The following SSR4 variants were observed in gnomAD, a reference collection of about 807,000 sequenced individuals.
The protein encoded by SSR4 is signal sequence receptor subunit 4.
For synonymous variants in SSR4, 84 were observed against 65.6 expected (o/e 1.28, Z -1.35); for missense variants, 125 against 148.8 (o/e 0.84, Z 0.83).
intron 1 of SSR4, chrX:153,794,977 G>A: frequency 2.3e-6 from 1 of 437,048 alleles, no homozygotes; most frequent in Non-Finnish European, 3.9e-6. Flanking sequence ...AGGAGTCCCC[G>A]AGCCTCCATG....
rs781960516 is a variant in SSR4, at chrX:153,797,829, A to G, written c.351+15A>G. 3.4e-6 allele frequency: 4 copies of G among 1,163,192 alleles called. No individual in the cohort carries two copies. Among genetic ancestry groups the G allele is most frequent in the Admixed American group, 4.5e-5 (2 of 44,130 alleles). On this transcript the variant is annotated intron_variant, in intron 4 of 5. Transcript: ENST00000370086. ...TCCTCAGGAAGGTGAGGACTCCTGT[A>G]GCCCACTGTGCTCCCCTGTCCCTGG...
At position 153,798,088 on chromosome X, in the gene SSR4, G is replaced by A. The variant is rs781917495; in HGVS notation, c.369G>A (p.Glu123=). The A allele has an allele frequency of 2.0e-5, 24 of 1,197,241 alleles. No individual in the cohort carries two copies. In the South Asian group the frequency reaches 4.1e-4, roughly 20 times the overall value. ...CCTTGCAGGCTCAGAGGAATAACGAGGACATTTCCATCATCCCGCCTCTGT... is the reference window on the plus strand; with the variant it reads ...CCTTGCAGGCTCAGAGGAATAACGAAGACATTTCCATCATCCCGCCTCTGT... ...SLLRKAQRNN[E]DISIIPPLFT... is the part of the protein sequence containing the mutation. The change falls in exon 5 of 6, where the codon GAG becomes GAA. Residue 123 remains glutamate (E), a synonymous_variant. Transcript: ENST00000370086.
chrX:153,795,033 C>T (rs1039223806), intron 1 of SSR4: 2 of 379,677 alleles, frequency 5.3e-6, no homozygotes, highest in Non-Finnish European at 9.2e-6. Flanking sequence ...ACACATGTCC[C>T]GGCTCCCGCT....
At chrX:153,796,635 G>A in intron 2 of SSR4, 83 bp downstream of exon 2, 1 of 733,285 alleles carries the variant, frequency 1.4e-6, no homozygotes, top group Admixed American at 2.3e-5. Context: ...GTCGATAGAG[G>A]GAGAATCAAG....
At chrX:153,794,506 C>A (rs1454342212), upstream of SSR4, 7 of 1,159,065 alleles carry the variant, frequency 6.0e-6, no homozygotes, top group Non-Finnish European at 8.1e-6. Flanking sequence ...AGGGGGGGAC[C>A]GCGACCAGCT....
chrX:153,795,752 G>A (rs1391991431), intron 1 of SSR4: 1 of 755,017 alleles, frequency 1.3e-6, no homozygotes, highest in South Asian at 6.7e-5. Context: ...TTTGGACAGC[G>A]GGTGGCTGAG....
intron 1 of SSR4, chrX:153,796,027 C>A: frequency 1.0e-5 from 2 of 195,759 alleles, no homozygotes; most frequent in Non-Finnish European, 1.6e-5. Context: ...CTGCAGCCCC[C>A]ACCCCCGATG....
chrX:153,798,004 C>CT, intron 4 of SSR4, 67 bp from the exon 5 acceptor site: 1 of 704,939 alleles, frequency 1.4e-6, no homozygotes. Context: ...TGTCTTTCCC[C>CT]TCCCCTCCCC....
chrX:153,797,629 G>A lies in SSR4; in HGVS notation c.262-96G>A, dbSNP rs782690360. 3 of 1,116,428 alleles carry A rather than the reference G, an allele frequency of 2.7e-6. No individual in the cohort carries two copies. In the African/African-American group the frequency reaches 5.4e-5, roughly 20 times the overall value. 92.0% of individuals were successfully genotyped at this position (1,116,428 alleles called of 1,213,427 possible). On this transcript the variant is annotated intron_variant, in intron 3 of 5. Coordinates refer to ENST00000370086, the MANE Select transcript of SSR4 (RefSeq NM_006280.3). ...CGGTCAACCAGGGCCAGGGGCCGTG[G>A]GCTCTGGCTGCCGGAGTGCTGCAGT...
intron 4 of SSR4, 94 bp downstream of exon 4, chrX:153,797,908 G>T (rs2092151704): frequency 1.1e-6 from 1 of 870,971 alleles, no homozygotes. Flanking sequence ...GAGCTGGGTG[G>T]CCTTTCTGTG....
At chrX:153,794,541 A>C (rs112969179), upstream of SSR4, 588 of 1,168,137 alleles carry the variant, frequency 5.0e-4, 6 homozygotes, top group African/African-American at 9.9e-3. Context: ...GGGAGGGGCC[A>C]CGTCAGTGCT....
chrX:153,798,455 C>G lies in SSR4; in HGVS notation c.*22C>G. The G allele has an allele frequency of 8.7e-7, 1 of 1,147,199 alleles. No homozygotes were observed. 94.5% of individuals were successfully genotyped at this position (1,147,199 alleles called of 1,213,427 possible). A position where few individuals can be genotyped will look rare whatever the true frequency, so the allele number is the denominator to read the frequency against. On this transcript the variant is annotated 3_prime_UTR_variant, in exon 6 of 6. Transcript: ENST00000370086. ...CTGAGGGCGGCACCCCAGCCCTGCC[C>G]TTGCTTCCTTCAATAAACATCACAG... is the stretch of plus-strand genomic sequence containing the variant.
rs1011367123 is a variant in SSR4, at chrX:153,796,944, G to A, written c.186+392G>A. On this transcript the variant is annotated intron_variant, in intron 2 of 5. Coordinates refer to ENST00000370086, the MANE Select transcript of SSR4 (RefSeq NM_006280.3). ...TGCCTCAGCTGGAGTGCATTGGCAC[G>A]ATCTTGGCTCACTGCAGCCTCCACC... 2.8e-4 allele frequency: 51 copies of A among 182,601 alleles called. 1 individual carries two copies. The highest frequency in any genetic ancestry group is 1.2e-3 in the African/African-American group (39 of 33,661). The allele number at this position is 182,601 out of a possible 1,213,427, so 15.0% of individuals were successfully genotyped here. A position where few individuals can be genotyped will look rare whatever the true frequency, so the allele number is the denominator to read the frequency against.
rs1049915529 is a variant in SSR4, at chrX:153,798,484, C to T, written c.*51C>T. 1.9e-6 allele frequency: 2 copies of T among 1,077,215 alleles called. No homozygotes were observed. 88.8% of individuals were successfully genotyped at this position (1,077,215 alleles called of 1,213,427 possible). On this transcript the variant is annotated 3_prime_UTR_variant, in exon 6 of 6. Coordinates refer to ENST00000370086, the MANE Select transcript of SSR4 (RefSeq NM_006280.3). ...CTTCCTTCAATAAACATCACAGGAC[C>T]TGGGACTGCACAGGACCTGGGGCTG...
chrX:153,794,873 C>T lies in SSR4; in HGVS notation c.67+119C>T, dbSNP rs957141930. The T allele has an allele frequency of 1.1e-5, 10 of 891,055 alleles. No individual in the cohort carries two copies. In the Admixed American group the frequency reaches 3.3e-4, roughly 29 times the overall value. 73.4% of individuals were successfully genotyped at this position (891,055 alleles called of 1,213,427 possible). Reference sequence around the variant, plus strand: ...GGTCCGTCGCTGCGGGCCGGGCCTTCCCCCGAGAGGCAGGCGGCCTTGGGA... The same window carrying T: ...GGTCCGTCGCTGCGGGCCGGGCCTTTCCCCGAGAGGCAGGCGGCCTTGGGA... On this transcript the variant is annotated intron_variant, in intron 1 of 5. Coordinates refer to ENST00000370086, the MANE Select transcript of SSR4 (RefSeq NM_006280.3).
At chrX:153,794,665 T>A, upstream of SSR4, 1 of 1,211,949 alleles carries the variant, frequency 8.3e-7, no homozygotes, top group Non-Finnish European at 1.1e-6. Flanking sequence ...TCGTTTTCTT[T>A]TCCTCTAGGC....
At chrX:153,795,045 C>T (rs1286810814) in intron 1 of SSR4, 2 of 363,822 alleles carry the variant, frequency 5.5e-6, no homozygotes, top group Non-Finnish European at 9.6e-6. Context: ...GCTCCCGCTC[C>T]CTGCGGGGTC....
At chrX:153,798,010 T>TCCC in intron 4 of SSR4, 61 bp from the exon 5 acceptor site, 1 of 313,885 alleles carries the variant, frequency 3.2e-6, no homozygotes, top group Non-Finnish European at 5.8e-6. Flanking sequence ...TCCCCTCCCC[T>TCCC]CCCCACCCCC....
rs887246891 is a variant in SSR4 at position 153,797,507 on chromosome X, G to A, written c.236G>A (p.Arg79Gln). ...DVGGKQFPVTRGQDVGRYQVS... is the reference protein window; with the variant it reads ...DVGGKQFPVTQGQDVGRYQVS... ...GGTGGAAAACAATTCCCTGTCACTC[G>A]AGGCCAGGATGTGGGGCGTTATCAG... The change falls in exon 3 of 6, where the codon CGA becomes CAA. Residue 79 changes from arginine (R) to glutamine (Q), a missense_variant. Coordinates refer to ENST00000370086, the MANE Select transcript of SSR4 (RefSeq NM_006280.3). 4 of 1,210,088 alleles carry A rather than the reference G, an allele frequency of 3.3e-6. No homozygotes were observed. Among genetic ancestry groups the A allele is most frequent in the African/African-American group, 1.7e-5 (1 of 57,364 alleles).
Sources: gnomAD v4.1 joint callset for allele counts on GRCh38, gnomAD v4.1.1 for gene constraint, MANE v1.5 for transcripts, NCBI Gene and HGNC (gene_info 2026-07-23, HGNC 2026-07-21) for gene names.